The following SQSTM1 variants were observed in gnomAD, a reference collection of about 807,000 sequenced individuals.
The protein encoded by SQSTM1 is sequestosome 1.
A neutral mutation model predicts 45.1 loss-of-function variants in SQSTM1; 36 were observed. The observed-to-expected ratio is 0.80, with a 90% CI of 0.61 to 1.05. SQSTM1 has a LOEUF of 1.05. Among genes scored for constraint, SQSTM1 ranks in the 50% least tolerant of loss-of-function variants. SQSTM1 has a pLI of 0.00. For missense variants in SQSTM1, 617 were observed against 607.1 expected (o/e 1.02, Z -0.17); for synonymous variants, 290 against 244.3 (o/e 1.19, Z -1.74).
upstream of SQSTM1, among the ~76,000 whole-genome samples, chr5:179,815,830 C>T (rs1355169420): frequency 6.6e-6 from 1 of 152,144 alleles, no homozygotes; most frequent in Non-Finnish European, 1.5e-5. Context: ...CCTTCTGCTC[C>T]AGAGCATCAG....
chr5:179,824,205 C>G lies in SQSTM1; in HGVS notation c.555C>G (p.Leu185=). 2 of 1,613,876 alleles carry G rather than the reference C, an allele frequency of 1.2e-6. No individual in the cohort carries two copies. Among genetic ancestry groups the G allele is most frequent in the Non-Finnish European group, 1.7e-6 (2 of 1,180,044 alleles). Residue 185 remains leucine (L), a synonymous_variant, in exon 4 of 8, where the codon CTC becomes CTG. Transcript: ENST00000389805. ...LSEGFSHSRW[L]RKVKHGHFGW... is the part of the protein sequence containing the mutation. ...AGGGCTTCTCGCACAGCCGCTGGCT[C>G]CGGAAGGTGAAACACGGACACTTCG...
chr5:179,820,717 AG>A (rs199685457), upstream of SQSTM1: 3,915 of 472,122 alleles, frequency 8.3e-3, 34 homozygotes, highest in Non-Finnish European at 0.01. Context: ...GTCAGCAATG[AG>A]GGGGCCGGGA....
intron 7 of SQSTM1, among the ~76,000 whole-genome samples, chr5:179,834,571 C>T (rs375311013): frequency 0.021 from 3,033 of 146,072 alleles, 47 homozygotes; most frequent in African/African-American, 0.038. Flanking sequence ...CCTTCCGCAG[C>T]GTTTGTGTCC....
chr5:179,832,525 GC>G (rs1365631835), intron 5 of SQSTM1, among the ~76,000 whole-genome samples: 1 of 152,176 alleles, frequency 6.6e-6, no homozygotes, highest in Non-Finnish European at 1.5e-5. Context: ...GAGGCACATG[GC>G]CTTCCATCAC....
In SQSTM1 at chr5:179,837,926, A is replaced by G; in HGVS notation, c.*1333A>G. Reference sequence around the variant, plus strand: ...GCCATGCCCTCCATGTGTAAGAACAATGCCAGGGCCCAGGAGGACCGCCTG... The same window carrying G: ...GCCATGCCCTCCATGTGTAAGAACAGTGCCAGGGCCCAGGAGGACCGCCTG... On this transcript the variant is annotated 3_prime_UTR_variant, in exon 8 of 8. Transcript: ENST00000389805. 6.3e-7 allele frequency: 1 copy of G among 1,574,872 alleles called. No individual in the cohort carries two copies. The highest frequency in any genetic ancestry group is 2.2e-5 in the East Asian group (1 of 44,572).
intron 5 of SQSTM1, among the ~76,000 whole-genome samples, chr5:179,828,202 A>G (rs1476997852): frequency 1.3e-5 from 2 of 152,166 alleles, no homozygotes; most frequent in Admixed American, 1.3e-4. Flanking sequence ...CAAGGCCTGA[A>G]AATCTCACGC....
chr5:179,836,389 C>G, intron 7 of SQSTM1, 47 bp from the exon 8 acceptor site: 1 of 1,613,782 alleles, frequency 6.2e-7, no homozygotes, highest in Non-Finnish European at 8.5e-7. Flanking sequence ...TCGGGTCACT[C>G]ACAGGGCTCA....
chr5:179,813,517 A>G (rs1562639271), intron 2 of SQSTM1: 1 of 152,186 alleles, frequency 6.6e-6, no homozygotes, highest in Admixed American at 6.5e-5. Context: ...TTTGTATTTT[A>G]AAATGAGCAT....
chr5:179,828,826 G>A (rs1287204672), intron 5 of SQSTM1, among the ~76,000 whole-genome samples: 4 of 149,264 alleles, frequency 2.7e-5, no homozygotes, highest in Admixed American at 2.0e-4. Flanking sequence ...ACACAAAAAA[G>A]AAAACACCAT....
rs116187933 is a variant in SQSTM1 at position 179,830,578 on chromosome 5, C to T, written c.755-2454C>T. 6.9e-3 allele frequency among the ~76,000 whole-genome samples: 1,050 copies of T among 151,420 alleles called. 14 individuals carry two copies. Among genetic ancestry groups the T allele is most frequent in the African/African-American group, 0.025 (1,019 of 41,272 alleles). ...TTTTTTCTTTTTCTTTCCCCACCCC[C>T]GAGTCAGAGTCTCGCTGTCGCCCAG... On this transcript the variant is annotated intron_variant, in intron 5 of 7. Coordinates refer to ENST00000389805, the MANE Select transcript of SQSTM1 (RefSeq NM_003900.5).
chr5:179,818,012 C>CAAAAAAAAAA (rs528143529), upstream of SQSTM1, among the ~76,000 whole-genome samples: 15 of 29,186 alleles, frequency 5.1e-4, 2 homozygotes, highest in African/African-American at 6.0e-4. Flanking sequence ...GAGACTGTCT[C>CAAAAAAAAAA]AAAAAAAAAA....
Position 179,820,905 on chromosome 5 carries a change from A to G in SQSTM1, c.-32A>G. 2 of 1,480,840 alleles carry G rather than the reference A, an allele frequency of 1.4e-6. No homozygotes were observed. The highest frequency in any genetic ancestry group is 1.4e-5 in the African/African-American group (1 of 69,056). The allele number at this position is 1,480,840 out of a possible 1,614,324, so 91.7% of individuals were successfully genotyped here. On this transcript the variant is annotated 5_prime_UTR_variant, in exon 1 of 8. Coordinates refer to ENST00000389805, the MANE Select transcript of SQSTM1 (RefSeq NM_003900.5). Reference sequence around the variant, plus strand: ...AAGCCGCGCGGCGGCTGCGACCGGGACGGCCCGTTTTCCGCCAGCTCGCCG... The same window carrying G: ...AAGCCGCGCGGCGGCTGCGACCGGGGCGGCCCGTTTTCCGCCAGCTCGCCG...
intron 7 of SQSTM1, 34 bp downstream of exon 7, chr5:179,833,816 A>AC: frequency 6.2e-7 from 1 of 1,610,726 alleles, no homozygotes; most frequent in Non-Finnish European, 8.5e-7. Flanking sequence ...ACATATTCCT[A>AC]CCTTTCCCTT....
chr5:179,832,937 C>A, intron 5 of SQSTM1, 95 bp from the exon 6 acceptor site: 1 of 1,269,692 alleles, frequency 7.9e-7, no homozygotes, highest in South Asian at 1.2e-5. Context: ...ACGTTGAGAT[C>A]TTCGTGAGTC....
chr5:179,828,368 T>TA (rs1758083639), intron 5 of SQSTM1, among the ~76,000 whole-genome samples: 4 of 139,170 alleles, frequency 2.9e-5, no homozygotes, highest in Non-Finnish European at 4.7e-5. Flanking sequence ...TTTTTTCTTA[T>TA]CTTTTTTTTT....
At chr5:179,830,074 A>G (rs1758148251) in intron 5 of SQSTM1, among the ~76,000 whole-genome samples, 1 of 152,148 alleles carries the variant, frequency 6.6e-6, no homozygotes, top group Admixed American at 6.6e-5. Flanking sequence ...GTACCACTGC[A>G]CTCCATCCTG....
At chr5:179,821,810 G>C in intron 1 of SQSTM1, 1 of 299,964 alleles carries the variant, frequency 3.3e-6, no homozygotes. Context: ...GGTGTGACCA[G>C]TGGCTGCTGG....
upstream of SQSTM1, among the ~76,000 whole-genome samples, chr5:179,819,766 T>A (rs774761018): frequency 6.6e-6 from 1 of 152,092 alleles, no homozygotes; most frequent in Non-Finnish European, 1.5e-5. Context: ...CTGGGCAGGG[T>A]GGAAGCCTTG....
rs1256909021 is a variant in SQSTM1 at position 179,824,272 on chromosome 5, C to G, written c.622C>G (p.Pro208Ala). Residue 208 changes from proline (P) to alanine (A), a missense_variant, in exon 4 of 8, where the codon CCA becomes GCA. Transcript: ENST00000389805. ...WEMGPPGNWS[P>A]RPPRAGEARP... The stretch of plus-strand genomic sequence containing the variant: ...AATGGGTCCACCAGGAAACTGGAGC[C>G]CACGTCCTCCTCGTGCAGGGGAGGC... 6.2e-7 allele frequency: 1 copy of G among 1,613,810 alleles called. No homozygotes were observed. Among genetic ancestry groups the G allele is most frequent in the Middle Eastern group, 1.6e-4 (1 of 6,062 alleles).
Sources: allele counts gnomAD v4.1 joint callset (sites outside exome capture counted in the v4.1 genomes callset), GRCh38; gene constraint gnomAD v4.1.1; transcripts MANE v1.5; gene names NCBI Gene and HGNC (gene_info 2026-07-23, HGNC 2026-07-21).